The following PCNX1 variants were observed in gnomAD, a reference collection of about 807,000 sequenced individuals.
The protein encoded by PCNX1 is pecanex 1.
Under a neutral mutation model 242.2 loss-of-function variants are expected in PCNX1, and 78 were observed. The ratio of observed to expected loss-of-function variants is 0.32; its 90% CI spans 0.27 to 0.39. The LOEUF (loss-of-function observed/expected upper bound fraction) is 0.39, where lower values mean the gene tolerates loss of function less well. PCNX1 is among the 10% of genes least tolerant of loss of function. The pLI is 1.00. For missense variants in PCNX1, 2,581 were observed against 2,856.5 expected, an observed-to-expected ratio of 0.90 and a Z score of 2.20; for synonymous variants, 1,024 against 1,032.9, an observed-to-expected ratio of 0.99 and a Z score of 0.17.
intron 20 of PCNX1, among the ~76,000 whole-genome samples, chr14:71,045,683 G>A (rs556987543): frequency 4.6e-5 from 7 of 152,126 alleles, no homozygotes; most frequent in South Asian, 2.1e-4. Context: ...AACTTAATGC[G>A]TAGGGAGGAA....
intron 3 of PCNX1, among the ~76,000 whole-genome samples, chr14:70,965,100 T>C (rs1463918602): frequency 2.6e-5 from 4 of 152,222 alleles, no homozygotes; most frequent in Non-Finnish European, 5.9e-5. Context: ...CTGACCATAG[T>C]AGCTACATCG....
chr14:71,062,346 T>A (rs759228304), intron 26 of PCNX1, among the ~76,000 whole-genome samples: 33 of 151,850 alleles, frequency 2.2e-4, no homozygotes, highest in Non-Finnish European at 4.0e-4. Context: ...CCTTGGCTAG[T>A]GTGTGTGTTT....
intron 12 of PCNX1, among the ~76,000 whole-genome samples, chr14:71,021,927 C>T (rs2060113432): frequency 6.6e-6 from 1 of 151,982 alleles, no homozygotes; most frequent in African/African-American, 2.4e-5. Context: ...TGAAGTCATC[C>T]TTTTTTATTG....
chr14:71,053,692 G>A (rs993050116), intron 24 of PCNX1, among the ~76,000 whole-genome samples: 2 of 151,898 alleles, frequency 1.3e-5, no homozygotes, highest in Admixed American at 1.3e-4. Flanking sequence ...TTACTAGAGT[G>A]GAAAGAAAAA....
chr14:71,012,965 CA>C lies in PCNX1; in HGVS notation c.2779-18del. On this transcript the variant is annotated intron_variant, in intron 10 of 35. Coordinates refer to ENST00000304743, the MANE Select transcript of PCNX1 (RefSeq NM_014982.3). ...AATATTGAAGATATTTTAAGCCTTT[CA>C]ATGCTGACTTTCTTTTAGCTCTCTC... The C allele has an allele frequency of 6.6e-7, 1 of 1,515,232 alleles. No homozygotes were observed. Among genetic ancestry groups the C allele is most frequent in the East Asian group, 2.3e-5 (1 of 44,416 alleles). 93.9% of individuals were successfully genotyped at this position (1,515,232 alleles called of 1,614,324 possible).
At chr14:71,050,188 A>G (rs1373481511) in intron 22 of PCNX1, among the ~76,000 whole-genome samples, 2 of 150,552 alleles carry the variant, frequency 1.3e-5, no homozygotes, top group African/African-American at 4.9e-5. Flanking sequence ...TATTATTATT[A>G]TACTTTAAGT....
At chr14:70,954,670 T>C (rs1177249149) in intron 2 of PCNX1, among the ~76,000 whole-genome samples, 1 of 152,226 alleles carries the variant, frequency 6.6e-6, no homozygotes, top group African/African-American at 2.4e-5. Flanking sequence ...AGCAATCTTA[T>C]TAAACCCCCT....
intron 33 of PCNX1, among the ~76,000 whole-genome samples, chr14:71,107,255 T>C (rs960462136): frequency 2.6e-5 from 4 of 152,060 alleles, no homozygotes; most frequent in Admixed American, 2.0e-4. Context: ...AATTTAAATA[T>C]ATATATTTTC....
chr14:71,032,665 C>G (rs893701610), intron 16 of PCNX1, among the ~76,000 whole-genome samples: 1 of 152,180 alleles, frequency 6.6e-6, no homozygotes, highest in African/African-American at 2.4e-5. Context: ...ACCATGTTTC[C>G]TTTCTGAATC....
At position 70,958,200 on chromosome 14, in the gene PCNX1, A is replaced by G. The variant is rs528912900; in HGVS notation, c.363-4026A>G. Among the ~76,000 whole-genome samples, 6 of 152,268 alleles carry G rather than the reference A, an allele frequency of 3.9e-5. No individual in the cohort carries two copies. In the East Asian group the frequency reaches 7.7e-4, roughly 20 times the overall value. ...GCCATATGTTTACCTGAGTTCCAAT[A>G]TATTTTATTTTTATAAATGGATAGT... On this transcript the variant is annotated intron_variant, in intron 2 of 35. Coordinates refer to ENST00000304743, the MANE Select transcript of PCNX1 (RefSeq NM_014982.3).
chr14:71,079,542 T>C (rs971332543), intron 28 of PCNX1, among the ~76,000 whole-genome samples: 2 of 152,190 alleles, frequency 1.3e-5, no homozygotes, highest in Non-Finnish European at 2.9e-5. Context: ...TAACTTTTTT[T>C]TGTTTCCTGA....
intron 3 of PCNX1, among the ~76,000 whole-genome samples, chr14:70,966,718 G>A (rs981307695): frequency 2.0e-5 from 3 of 152,094 alleles, no homozygotes; most frequent in African/African-American, 7.2e-5. Flanking sequence ...TACCATATCC[G>A]TGTTTAAAAA....
chr14:71,026,876 G>A lies in PCNX1; in HGVS notation c.3460G>A (p.Gly1154Ser), dbSNP rs566406246. 29 of 1,378,952 alleles carry A rather than the reference G, an allele frequency of 2.1e-5. No homozygotes were observed. The East Asian group carries it at 3.9e-4, about 19-fold the overall frequency. 85.4% of individuals were successfully genotyped at this position (1,378,952 alleles called of 1,614,324 possible). The change falls in exon 15 of 36, where the codon GGT becomes AGT. Residue 1154 changes from glycine to serine, a missense_variant. Around this residue, in one of 9 missense-constraint regions of PCNX1, gnomAD observed 432 missense variants for 443.1 expected, o/e 0.97. Coordinates refer to ENST00000304743, the MANE Select transcript of PCNX1 (RefSeq NM_014982.3). ...CEQLDIHIFG[G>S]NATTSLLAAL... ...ACAATTGGATATTCATATTTTTGGT[G>A]GTAATGGTGAGTACTTCTTTATAAA...
intron 22 of PCNX1, among the ~76,000 whole-genome samples, chr14:71,048,820 G>C (rs1344479371): frequency 6.6e-6 from 1 of 152,106 alleles, no homozygotes; most frequent in Non-Finnish European, 1.5e-5. Context: ...ATTCAGATGT[G>C]ATAGTAGTCT....
chr14:71,089,164 T>C, intron 29 of PCNX1, 28 bp from the exon 30 acceptor site: 1 of 1,564,632 alleles, frequency 6.4e-7, no homozygotes, highest in Middle Eastern at 1.7e-4. Flanking sequence ...TGTCAAAACA[T>C]GTGAACTTTT....
At position 71,102,044 on chromosome 14, in the gene PCNX1, A is replaced by G. The variant is rs1374235662; in HGVS notation, c.5644A>G (p.Ile1882Val). The G allele has an allele frequency of 1.9e-6, 3 of 1,613,692 alleles. No homozygotes were observed. Among genetic ancestry groups the G allele is most frequent in the Admixed American group, 1.7e-5 (1 of 60,004 alleles). The change falls in exon 31 of 36, where the codon ATA becomes GTA. Residue 1882 changes from isoleucine (I) to valine (V), a missense_variant. Transcript: ENST00000304743. ...TGACCCTACTGTGCTCTATGAAGCC[A>G]TAGTATCTCATGAGAAGAACCTCGT... ...YDDPTVLYEAIVSHEKNLVIA... is the reference protein window; with the variant it reads ...YDDPTVLYEAVVSHEKNLVIA...
At chr14:70,999,506 A>G (rs112436123) in intron 8 of PCNX1, among the ~76,000 whole-genome samples, 33 of 152,344 alleles carry the variant, frequency 2.2e-4, no homozygotes, top group Middle Eastern at 3.4e-3. Flanking sequence ...CAAAGCATGT[A>G]TATATCATGA....
At chr14:70,972,942 G>T (rs2058584620) in intron 5 of PCNX1, among the ~76,000 whole-genome samples, 2 of 152,106 alleles carry the variant, frequency 1.3e-5, no homozygotes, top group African/African-American at 4.8e-5. Flanking sequence ...TACAAAGAGG[G>T]AGTATAGGTA....
At chr14:71,057,089 T>C (rs2061203221) in intron 25 of PCNX1, among the ~76,000 whole-genome samples, 1 of 152,362 alleles carries the variant, frequency 6.6e-6, no homozygotes, top group Middle Eastern at 3.4e-3. Context: ...GATTGTCTTA[T>C]TTGTTCAAAT....
Sources: gnomAD v4.1 joint callset for allele counts (sites outside exome capture counted in the v4.1 genomes callset) on GRCh38, gnomAD v4.1.1 for gene constraint, gnomAD v4.1.1 regional missense constraint, MANE v1.5 for transcripts, NCBI Gene and HGNC (gene_info 2026-07-23, HGNC 2026-07-21) for gene names.